The following JMJD1C variants were observed in gnomAD, a reference collection of about 807,000 sequenced individuals.
The protein encoded by JMJD1C is jumonji domain containing 1C, also known as jumonji domain-containing protein 1C.
A neutral mutation model predicts 245.3 loss-of-function variants in JMJD1C; 31 were observed. The ratio of observed to expected loss-of-function variants is 0.13; its 90% CI spans 0.09 to 0.17. The LOEUF (loss-of-function observed/expected upper bound fraction) is 0.17, where lower values mean the gene tolerates loss of function less well. Ranked by LOEUF, JMJD1C falls within the 10% of genes least tolerant of loss-of-function variation. The probability of loss-of-function intolerance (pLI) is 1.00; values close to 1 mark genes in which losing one functional copy is unlikely to be tolerated. For synonymous variants in JMJD1C, 1,057 were observed against 1,017.4 expected (o/e 1.04, Z -0.74); for missense variants, 2,691 against 3,000.2 (o/e 0.90, Z 2.41).
At chr10:63,312,815 T>C (rs2134058170) in intron 2 of JMJD1C, among the ~76,000 whole-genome samples, 1 of 152,342 alleles carries the variant, frequency 6.6e-6, no homozygotes, top group East Asian at 1.9e-4. Flanking sequence ...AATATAATTA[T>C]AAATGGTATT....
At chr10:63,185,802 A>G in intron 19 of JMJD1C, 149 bp from the exon 20 acceptor site, 2 of 616,832 alleles carry the variant, frequency 3.2e-6, no homozygotes, top group African/African-American at 3.7e-5. Flanking sequence ...TTACTTATGT[A>G]CTTATGTAGT....
chr10:63,233,848 T>C (rs1268031934), intron 3 of JMJD1C, among the ~76,000 whole-genome samples: 1 of 151,966 alleles, frequency 6.6e-6, no homozygotes, highest in Non-Finnish European at 1.5e-5. Context: ...AATAATCTAC[T>C]TTGCTATGCT....
At chr10:63,444,373 A>C (rs1028286950) in intron 1 of JMJD1C, among the ~76,000 whole-genome samples, 6 of 152,124 alleles carry the variant, frequency 3.9e-5, no homozygotes, top group African/African-American at 1.4e-4. Context: ...TCCCAGGTTC[A>C]AGAGATTCTC....
chr10:63,517,589 T>C (rs768551016), intron 1 of JMJD1C, among the ~76,000 whole-genome samples: 1 of 152,148 alleles, frequency 6.6e-6, no homozygotes, highest in African/African-American at 2.4e-5. Flanking sequence ...GCACAATGTA[T>C]GAATATTAGT....
rs781122320 is a variant in JMJD1C at position 63,254,190 on chromosome 10, A to AAAAC, written c.447+10457_447+10460dup. Among the ~76,000 whole-genome samples, 203 of 152,214 alleles carry AAAAC rather than the reference A, an allele frequency of 1.3e-3. No homozygotes were observed. The Middle Eastern group carries it at 0.017, about 13-fold the overall frequency. On this transcript the variant is annotated intron_variant, in intron 3 of 25. Transcript: ENST00000399262. Reference sequence around the variant, plus strand: ...CAGAATACCCATATGCACAACCAAAAAAACAAACAAACAAACAAACAAAAA... The same window carrying AAAAC: ...CAGAATACCCATATGCACAACCAAAAAAACAAACAAACAAACAAACAAACAAAAA...
At chr10:63,203,982 C>A in intron 10 of JMJD1C, 1 of 983,724 alleles carries the variant, frequency 1.0e-6, no homozygotes, top group Non-Finnish European at 1.2e-6. Context: ...ATGAAAACTC[C>A]CAACTTAAAG....
At chr10:63,300,947 AATGTTAAG>A (rs113919285) in intron 2 of JMJD1C, among the ~76,000 whole-genome samples, 56 of 152,236 alleles carry the variant, frequency 3.7e-4, no homozygotes, top group African/African-American at 1.2e-3. Flanking sequence ...TTGAATATTC[AATGTTAAG>A]ACCTTGGCAT....
intron 1 of JMJD1C, among the ~76,000 whole-genome samples, chr10:63,419,147 A>G (rs1282128310): frequency 6.6e-6 from 1 of 150,696 alleles, no homozygotes; most frequent in African/African-American, 2.4e-5. Context: ...GTACTTTGGG[A>G]GGCCGAGGAG....
At chr10:63,211,102 T>C (rs1361682539) in intron 8 of JMJD1C, among the ~76,000 whole-genome samples, 2 of 152,126 alleles carry the variant, frequency 1.3e-5, no homozygotes, top group African/African-American at 4.8e-5. Context: ...ACAGGAAACA[T>C]CTTTCAAAAC....
chr10:63,189,036 A>T, intron 18 of JMJD1C, 132 bp downstream of exon 18: 1 of 698,952 alleles, frequency 1.4e-6, no homozygotes, highest in Non-Finnish European at 2.2e-6. Flanking sequence ...CGGTACTTTT[A>T]TATCTTATTG....
intron 2 of JMJD1C, among the ~76,000 whole-genome samples, chr10:63,270,473 CTTTTT>C (rs538368803): frequency 2.1e-5 from 3 of 145,226 alleles, no homozygotes; most frequent in Admixed American, 6.9e-5. Context: ...CCAGCCTCTT[CTTTTT>C]TTTTTTGAGA....
At chr10:63,197,683 T>G in intron 12 of JMJD1C, 120 bp from the exon 13 acceptor site, 1 of 776,790 alleles carries the variant, frequency 1.3e-6, no homozygotes, top group African/African-American at 1.8e-5. Flanking sequence ...AAGGCTATAT[T>G]AACTGAAGAC....
At chr10:63,470,714 G>T (rs764991167), upstream of JMJD1C, among the ~76,000 whole-genome samples, 12 of 152,076 alleles carry the variant, frequency 7.9e-5, no homozygotes, top group Non-Finnish European at 1.6e-4. Flanking sequence ...TCTTCTTGAT[G>T]CCATGGAAGG....
In JMJD1C at chr10:63,204,371, A is replaced by C. The variant is rs992016496; in HGVS notation, c.5074+2224T>G. On this transcript the variant is annotated intron_variant, in intron 10 of 25. Coordinates refer to ENST00000399262, the MANE Select transcript of JMJD1C (RefSeq NM_032776.3). ...CTGGCCCTTTTCTTAGAACTCTTACATGTGAATATGTATATTCGTCTCAAG... is the reference window on the plus strand; with the variant it reads ...CTGGCCCTTTTCTTAGAACTCTTACCTGTGAATATGTATATTCGTCTCAAG... 4.1e-6 allele frequency: 4 copies of C among 984,962 alleles called. No homozygotes were observed. The African/African-American group carries it at 7.0e-5, about 17-fold the overall frequency. The allele number at this position is 984,962 out of a possible 1,614,324, so 61.0% of individuals were successfully genotyped here.
Position 63,405,307 on chromosome 10 carries a change from C to T in JMJD1C, c.169-24825G>A, listed in dbSNP as rs930582826. Among the ~76,000 whole-genome samples the T allele has an allele frequency of 1.8e-4, 26 of 143,596 alleles. 1 individual carries two copies. The highest frequency in any genetic ancestry group is 6.5e-4 in the African/African-American group (25 of 38,714). The allele number at this position is 143,596 out of a possible 152,430, so 94.2% of individuals were successfully genotyped here. ...TTCAAACCTGAGTCTACTTTAATAC[C>T]ACATGTAGATTTTTTTTTTTTTTTT... On this transcript the variant is annotated intron_variant, in intron 1 of 25. Transcript: ENST00000399262.
Position 63,186,290 on chromosome 10 carries a change from G to T in JMJD1C, c.6664C>A (p.Leu2222Ile), listed in dbSNP as rs1027295642. The T allele has an allele frequency of 6.2e-7, 1 of 1,613,360 alleles. No homozygotes were observed. ...SLDFGDHQAD[L>I]LNCKDSIISN... ...ATGATGCTATCTTTGCAGTTCAGGA[G>T]ATCAGCTTGGTGGTCTCCAAAATCA... Residue 2222 changes from leucine to isoleucine, a missense_variant, in exon 19 of 26, where the codon CTC becomes ATC. Coordinates refer to ENST00000399262, the MANE Select transcript of JMJD1C (RefSeq NM_032776.3).
intron 2 of JMJD1C, among the ~76,000 whole-genome samples, chr10:63,323,006 C>T (rs529741771): frequency 6.7e-4 from 102 of 151,392 alleles, no homozygotes; most frequent in African/African-American, 2.4e-3. Context: ...TTAACATATA[C>T]ATACATAGAT....
intron 2 of JMJD1C, among the ~76,000 whole-genome samples, chr10:63,347,877 G>C (rs139309131): frequency 0.015 from 2,248 of 152,166 alleles, 51 homozygotes; most frequent in African/African-American, 0.052. Context: ...TTGCACCACT[G>C]CCCTCCAGCC....
chr10:63,174,759 G>A (rs894495361), intron 24 of JMJD1C, among the ~76,000 whole-genome samples: 7 of 151,986 alleles, frequency 4.6e-5, no homozygotes, highest in East Asian at 1.9e-4. Flanking sequence ...GCTTGAACCC[G>A]GAAGGCAGAG....
Sources: allele counts gnomAD v4.1 joint callset (sites outside exome capture counted in the v4.1 genomes callset), GRCh38; gene constraint gnomAD v4.1.1; transcripts MANE v1.5; gene names NCBI Gene and HGNC (gene_info 2026-07-23, HGNC 2026-07-21).